GARRE1: variants seen among roughly 807,000 people sequenced by gnomAD.
GARRE1 encodes the protein granule associated Rac and RHOG effector protein 1.
Under a neutral mutation model 103.2 loss-of-function variants are expected in GARRE1, and 49 were observed. That is an observed-to-expected ratio of 0.47 (90% confidence interval 0.38 to 0.60). GARRE1 has a LOEUF of 0.60. GARRE1 is among the 20% of genes least tolerant of loss of function. GARRE1 has a pLI of 0.00. For synonymous variants in GARRE1, 505 were observed against 532.8 expected, an observed-to-expected ratio of 0.95 and a Z score of 0.72; for missense variants, 1,199 against 1,370.5, an observed-to-expected ratio of 0.87 and a Z score of 1.98.
chr19:34,290,870 A>T (rs1421716746), intron 1 of GARRE1, among the ~76,000 whole-genome samples: 31 of 111,566 alleles, frequency 2.8e-4, no homozygotes, highest in East Asian at 3.5e-4. Context: ...CTGAAAGCAT[A>T]TTGCTTTTTT....
At chr19:34,255,785 A>G (rs2073668348) in intron 1 of GARRE1, among the ~76,000 whole-genome samples, 1 of 151,526 alleles carries the variant, frequency 6.6e-6, no homozygotes, top group African/African-American at 2.4e-5. Context: ...CAAGTGTGAG[A>G]TATTACACCT....
chr19:34,277,128 C>G (rs2073821507), intron 1 of GARRE1, among the ~76,000 whole-genome samples: 1 of 151,974 alleles, frequency 6.6e-6, no homozygotes, highest in Admixed American at 6.6e-5. Context: ...GCTTGGGGCA[C>G]TAGAAGAACT....
chr19:34,333,901 C>T (rs1374772361), intron 8 of GARRE1, 100 bp downstream of exon 8: 16 of 785,714 alleles, frequency 2.0e-5, no homozygotes, highest in Admixed American at 1.4e-4. Flanking sequence ...TGCTAGCTGA[C>T]GCAACAAGTC....
chr19:34,324,328 T>C (rs1466924340), intron 3 of GARRE1, among the ~76,000 whole-genome samples: 6 of 152,236 alleles, frequency 3.9e-5, no homozygotes, highest in Non-Finnish European at 8.8e-5. Context: ...GGCTCCTTAC[T>C]GCTCCTGGCA....
intron 3 of GARRE1, 26 bp downstream of exon 3, chr19:34,320,142 T>A (rs2074079441): frequency 6.2e-7 from 1 of 1,600,154 alleles, no homozygotes; most frequent in Admixed American, 1.7e-5. Context: ...GGGAGATTGG[T>A]GCCTGTGTTC....
intron 3 of GARRE1, among the ~76,000 whole-genome samples, chr19:34,322,291 C>A (rs1315708464): frequency 1.3e-5 from 2 of 152,090 alleles, no homozygotes; most frequent in African/African-American, 4.8e-5. Flanking sequence ...CCTGCCTCAG[C>A]CTCCCGAGTA....
intron 2 of GARRE1, among the ~76,000 whole-genome samples, chr19:34,313,469 C>CCCAA (rs771976490): frequency 9.9e-5 from 15 of 152,162 alleles, no homozygotes; most frequent in Non-Finnish European, 2.1e-4. Flanking sequence ...GGGAGTGTCC[C>CCCAA]TGTCAGATGG....
chr19:34,287,527 G>A (rs2073894406), intron 1 of GARRE1, among the ~76,000 whole-genome samples: 1 of 152,180 alleles, frequency 6.6e-6, no homozygotes, highest in Non-Finnish European at 1.5e-5. Context: ...CCTTTAACAT[G>A]CTCAGTGAGT....
chr19:34,272,700 G>C (rs1334396858), intron 1 of GARRE1, among the ~76,000 whole-genome samples: 2 of 152,298 alleles, frequency 1.3e-5, no homozygotes, highest in Admixed American at 6.5e-5. Flanking sequence ...CCATCTTCTA[G>C]GAGTGGTAAG....
At chr19:34,349,208 C>CA in intron 12 of GARRE1, 55 bp downstream of exon 12, 1 of 1,574,238 alleles carries the variant, frequency 6.4e-7, no homozygotes, top group Non-Finnish European at 8.7e-7. Flanking sequence ...GAATGCAACC[C>CA]ATGGCTCACT....
chr19:34,325,340 A>G (rs1182917961), intron 3 of GARRE1, among the ~76,000 whole-genome samples: 3 of 152,144 alleles, frequency 2.0e-5, no homozygotes, highest in Non-Finnish European at 4.4e-5. Context: ...TGTGGGCTTC[A>G]GGCCCCTGAG....
chr19:34,353,100 G>A lies in GARRE1; in HGVS notation c.*145G>A. 1 of 769,690 alleles carries A rather than the reference G, an allele frequency of 1.3e-6. No individual in the cohort carries two copies. Among genetic ancestry groups the A allele is most frequent in the Non-Finnish European group, 2.0e-6 (1 of 494,166 alleles). The allele number at this position is 769,690 out of a possible 1,614,324, so 47.7% of individuals were successfully genotyped here. Reference sequence around the variant, plus strand: ...CCCAGGGAGGGTTCCTTGGGGACAAGGGTGGTTGGCAGCTCCAAGCCTTTA... The same window carrying A: ...CCCAGGGAGGGTTCCTTGGGGACAAAGGTGGTTGGCAGCTCCAAGCCTTTA... On this transcript the variant is annotated 3_prime_UTR_variant, in exon 14 of 14. Transcript: ENST00000299505.
intron 12 of GARRE1, 26 bp downstream of exon 12, chr19:34,349,179 TG>T: frequency 6.2e-7 from 1 of 1,609,122 alleles, no homozygotes. Context: ...TAAACCAAGG[TG>T]GGGAGAGAAG....
At chr19:34,276,576 G>T (rs2073818355) in intron 1 of GARRE1, among the ~76,000 whole-genome samples, 1 of 152,160 alleles carries the variant, frequency 6.6e-6, no homozygotes. Flanking sequence ...TCCACATCAA[G>T]CCTGAGTGTG....
chr19:34,329,468 C>G (rs1424134099), intron 6 of GARRE1, among the ~76,000 whole-genome samples: 1 of 152,102 alleles, frequency 6.6e-6, no homozygotes, highest in African/African-American at 2.4e-5. Flanking sequence ...CTCTATGGGG[C>G]TGAGAAAATC....
intron 3 of GARRE1, among the ~76,000 whole-genome samples, chr19:34,321,799 G>A (rs1190103775): frequency 6.6e-6 from 1 of 152,134 alleles, no homozygotes; most frequent in East Asian, 1.9e-4. Context: ...TTATCCCTTG[G>A]AAGATCAGCT....
rs1406000846 is a variant in GARRE1 at position 34,351,540 on chromosome 19, C to G, written c.2852C>G (p.Thr951Ser). The G allele has an allele frequency of 7.4e-6, 12 of 1,614,010 alleles. No homozygotes were observed. In the South Asian group the frequency reaches 1.2e-4, roughly 16 times the overall value. ...RRKHSSGEQDTSTLPSPPLLT... is the reference protein window; with the variant it reads ...RRKHSSGEQDSSTLPSPPLLT... ...AAACACAGCAGTGGAGAGCAAGACA[C>G]CAGCACGCTGCCCTCACCACCTCTC... The change falls in exon 13 of 14, where the codon ACC (threonine) becomes AGC (serine). Residue 951 changes from threonine to serine, a missense_variant. Coordinates refer to ENST00000299505, the MANE Select transcript of GARRE1 (RefSeq NM_014686.5).
chr19:34,319,693 T>C (rs1211700497), intron 2 of GARRE1, among the ~76,000 whole-genome samples: 8 of 152,188 alleles, frequency 5.3e-5, no homozygotes, highest in Non-Finnish European at 1.5e-5. Context: ...CCTTGTTATT[T>C]GATGGAAATG....
intron 2 of GARRE1, among the ~76,000 whole-genome samples, chr19:34,307,823 T>G (rs2145248971): frequency 7.2e-6 from 1 of 138,726 alleles, no homozygotes; most frequent in East Asian, 2.0e-4. Context: ...TATTTTTTTT[T>G]TTTTTTAGAG....
Sources: gnomAD v4.1 joint callset for allele counts (sites outside exome capture counted in the v4.1 genomes callset) on GRCh38, gnomAD v4.1.1 for gene constraint, MANE v1.5 for transcripts, NCBI Gene and HGNC (gene_info 2026-07-23, HGNC 2026-07-21) for gene names.